The following PCDHGA3 variants were observed in gnomAD, a reference collection of about 807,000 sequenced individuals.
The protein encoded by PCDHGA3 is protocadherin gamma-A3.
PCDHGA3 carries 40 observed loss-of-function variants against 58.5 expected under a neutral mutation model. The observed-to-expected ratio is 0.68, with a 90% CI of 0.53 to 0.89. The LOEUF (loss-of-function observed/expected upper bound fraction) is 0.89, where lower values mean the gene tolerates loss of function less well. Ranked by LOEUF, PCDHGA3 falls within the 40% of genes least tolerant of loss-of-function variation. The pLI, the probability that PCDHGA3 is intolerant of heterozygous loss-of-function variation, is 0.00. For synonymous variants in PCDHGA3, 530 were observed against 525.7 expected (o/e 1.01, Z -0.11); for missense variants, 1,223 against 1,195.9 (o/e 1.02, Z -0.33).
chr5:141,350,472 A>G, intron 1 of PCDHGA3: 1 of 1,613,948 alleles, frequency 6.2e-7, no homozygotes, highest in Non-Finnish European at 8.5e-7. Flanking sequence ...GCAGAGGATT[A>G]TTTCAACGTT....
rs1344686437 is a variant in PCDHGA3 at position 141,344,357 on chromosome 5, T to C, written c.324T>C (p.Ile108=). The C allele has an allele frequency of 6.2e-7, 1 of 1,613,680 alleles. No homozygotes were observed. The highest frequency in any genetic ancestry group is 1.7e-5 in the Admixed American group (1 of 59,992). The change falls in exon 1 of 4, where the codon ATT becomes ATC. Residue 108 remains isoleucine (I), a synonymous_variant. Coordinates refer to ENST00000253812, the MANE Select transcript of PCDHGA3 (RefSeq NM_018916.4). The stretch of plus-strand genomic sequence containing the variant: ...CGCTGTGTCTGGTAAAAATTAACAT[T>C]CTGGTTGAGGATAAATTGAAAATTT... ...QIPLCLVKIN[I]LVEDKLKIFE...
chr5:141,423,501 C>G, intron 1 of PCDHGA3: 1 of 1,613,990 alleles, frequency 6.2e-7, no homozygotes, highest in African/African-American at 1.3e-5. Flanking sequence ...CCCACGAGGT[C>G]TCTCTCATTG....
chr5:141,427,028 C>T (rs960885416), intron 1 of PCDHGA3: 12 of 456,928 alleles, frequency 2.6e-5, no homozygotes, highest in Admixed American at 2.1e-4. Flanking sequence ...ACAAAGTCAG[C>T]CTTAGAGAGA....
At chr5:141,398,608 G>C in intron 1 of PCDHGA3, 4 of 1,614,062 alleles carry the variant, frequency 2.5e-6, no homozygotes, top group Non-Finnish European at 3.4e-6. Context: ...AGAAGATGCA[G>C]ATATTGGCTT....
intron 1 of PCDHGA3, chr5:141,405,001 C>A: frequency 1.9e-6 from 3 of 1,614,008 alleles, no homozygotes; most frequent in Non-Finnish European, 2.5e-6. Flanking sequence ...TCCCTGCAGA[C>A]CTGGAGGCCT....
rs760676891 is a variant in PCDHGA3, at chr5:141,413,180, CCGCTCAAAGGAAT to C, written c.2424+66738_2424+66750del. The C allele has an allele frequency of 6.9e-5, 111 of 1,602,612 alleles. No individual in the cohort carries two copies. The East Asian group carries it at 9.6e-4, about 14-fold the overall frequency. ...GAATTCTGTAACCAGACTACAATGG[CCGCTCAAAGGAAT>C]CGCTCAAAGGAATCAAAGGATTGCA... On this transcript the variant is annotated intron_variant, in intron 1 of 3. Transcript: ENST00000253812.
At chr5:141,398,951 C>A (rs771456321) in intron 1 of PCDHGA3, 2 of 1,613,822 alleles carry the variant, frequency 1.2e-6, no homozygotes, top group Admixed American at 1.7e-5. Flanking sequence ...GGCATCAACT[C>A]AGAAATTACT....
chr5:141,409,338 A>C, intron 1 of PCDHGA3: 5 of 1,614,002 alleles, frequency 3.1e-6, no homozygotes, highest in Non-Finnish European at 4.2e-6. Flanking sequence ...TTCGGAGGAA[A>C]TGGAGAAGTC....
At chr5:141,494,890 C>A (rs1483157263) in intron 2 of PCDHGA3, 25 bp downstream of exon 2, 1 of 1,614,120 alleles carries the variant, frequency 6.2e-7, no homozygotes. Context: ...CTCCAGCCCA[C>A]CCTCTTCTCT....
intron 1 of PCDHGA3, chr5:141,371,688 C>A (rs1234825193): frequency 6.2e-7 from 1 of 1,614,070 alleles, no homozygotes. Flanking sequence ...CAATCCACCG[C>A]TCTCCTCCAG....
chr5:141,399,751 G>A (rs564705346), intron 1 of PCDHGA3: 3 of 1,613,322 alleles, frequency 1.9e-6, no homozygotes, highest in Admixed American at 3.3e-5. Context: ...CAGCGCAAAC[G>A]TGAGCCTGCG....
Position 141,454,981 on chromosome 5 carries a change from A to T in PCDHGA3, c.2425-39826A>T, listed in dbSNP as rs528657512. 9.9e-3 allele frequency among the ~76,000 whole-genome samples: 1,486 copies of T among 150,680 alleles called. 32 individuals carry two copies. Among genetic ancestry groups the T allele is most frequent in the African/African-American group, 0.034 (1,392 of 41,092 alleles). On this transcript the variant is annotated intron_variant, in intron 1 of 3. Coordinates refer to ENST00000253812, the MANE Select transcript of PCDHGA3 (RefSeq NM_018916.4). ...GGCCACCACGCCTGGCTAATTTTTTAAAAAATATTTTTAGTAGAGACGGGG... is the reference window on the plus strand; with the variant it reads ...GGCCACCACGCCTGGCTAATTTTTTTAAAAATATTTTTAGTAGAGACGGGG...
chr5:141,375,327 T>A (rs1219155365), intron 1 of PCDHGA3: 2 of 1,613,686 alleles, frequency 1.2e-6, no homozygotes, highest in South Asian at 2.2e-5. Context: ...CGGGAAGAGG[T>A]ATTCTTGTAC....
At chr5:141,410,693 A>C in intron 1 of PCDHGA3, 1 of 1,496,902 alleles carries the variant, frequency 6.7e-7, no homozygotes, top group Non-Finnish European at 8.9e-7. Flanking sequence ...ATACTACTTT[A>C]TTTTCATATC....
At chr5:141,400,760 C>G (rs1296918626) in intron 1 of PCDHGA3, 2 of 582,290 alleles carry the variant, frequency 3.4e-6, no homozygotes, top group Non-Finnish European at 6.0e-6. Context: ...TCCTCTCTAG[C>G]AAAAACATTT....
rs756330109 is a variant in PCDHGA3, at chr5:141,432,621, T to A, written c.2425-62186T>A. ...GAGCCGGGACTCTTCTCGGTGGGTC[T>A]GCACACGGGCGAGGTGCGCACGGCG... On this transcript the variant is annotated intron_variant, in intron 1 of 3. Transcript: ENST00000253812. This position sits in a 1 kb window ranked among gnomAD's most constrained non-coding sequence, Gnocchi z 6.0. The A allele has an allele frequency of 3.1e-6, 5 of 1,612,942 alleles. No homozygotes were observed. Among genetic ancestry groups the A allele is most frequent in the Admixed American group, 1.7e-5 (1 of 59,962 alleles).
chr5:141,415,007 G>C, intron 1 of PCDHGA3: 1 of 1,613,654 alleles, frequency 6.2e-7, no homozygotes, highest in Non-Finnish European at 8.5e-7. Context: ...CTGTCCTACC[G>C]TCTGCTCAAG....
intron 1 of PCDHGA3, chr5:141,413,439 G>A (rs747331348): frequency 1.1e-4 from 179 of 1,613,988 alleles, no homozygotes; most frequent in Non-Finnish European, 1.4e-4. Flanking sequence ...GCGGCAGCTT[G>A]ATCACCGCGG....
At chr5:141,456,821 A>G (rs1432134342) in intron 1 of PCDHGA3, among the ~76,000 whole-genome samples, 2 of 151,744 alleles carry the variant, frequency 1.3e-5, no homozygotes, top group Admixed American at 6.6e-5. Context: ...AAAATTAGCC[A>G]TCGTGGTAGT....
Sources: allele counts gnomAD v4.1 joint callset (sites outside exome capture counted in the v4.1 genomes callset), GRCh38; gene constraint gnomAD v4.1.1; non-coding constraint Gnocchi (gnomAD v3.1); transcripts MANE v1.5; gene names NCBI Gene and HGNC (gene_info 2026-07-23, HGNC 2026-07-21).